The following PREP variants were observed in gnomAD, a reference collection of about 807,000 sequenced individuals.
The protein encoded by PREP is dJ355L5.1 (prolyl endopeptidase).
A neutral mutation model predicts 87.6 loss-of-function variants in PREP; 29 were observed. The observed-to-expected ratio is 0.33, with a 90% CI of 0.25 to 0.45. The LOEUF is 0.45. PREP is among the 20% of genes least tolerant of loss of function. The pLI, the probability that PREP is intolerant of heterozygous loss-of-function variation, is 1.00. For synonymous variants in PREP, 337 were observed against 328.6 expected, an observed-to-expected ratio of 1.03 and a Z score of -0.28; for missense variants, 695 against 886.5, an observed-to-expected ratio of 0.78 and a Z score of 2.74.
intron 3 of PREP, 21 bp from the exon 4 acceptor site, chr6:105,376,276 T>C: frequency 1.2e-6 from 2 of 1,608,692 alleles, no homozygotes; most frequent in Non-Finnish European, 1.7e-6. Flanking sequence ...GAGATGGTCT[T>C]TATTCAGCTG....
intron 10 of PREP, among the ~76,000 whole-genome samples, chr6:105,319,211 G>C (rs1036831247): frequency 1.3e-5 from 2 of 152,166 alleles, no homozygotes; most frequent in African/African-American, 4.8e-5. Flanking sequence ...TTAAGTATAA[G>C]AGAACAACAG....
intron 2 of PREP, among the ~76,000 whole-genome samples, chr6:105,390,795 T>C (rs548428608): frequency 1.3e-5 from 2 of 152,108 alleles, no homozygotes; most frequent in Non-Finnish European, 2.9e-5. Flanking sequence ...GAGCAAATTA[T>C]GCAATATAGA....
In PREP at chr6:105,394,572, T is replaced by C. The variant is rs146187809; in HGVS notation, c.120+3281A>G. Among the ~76,000 whole-genome samples, 58 of 152,308 alleles carry C rather than the reference T, an allele frequency of 3.8e-4. No homozygotes were observed. The East Asian group carries it at 0.011, about 28-fold the overall frequency. On this transcript the variant is annotated intron_variant, in intron 2 of 14. Transcript: ENST00000652536. ...TGTTATATGATTATGTATCTAAAAA[T>C]CTAAGGGAAATAACTGAAAATTTGG...
chr6:105,352,971 C>T lies in PREP; in HGVS notation c.823+1G>A, dbSNP rs1771997591. The T allele has an allele frequency of 1.2e-6, 2 of 1,610,016 alleles. No homozygotes were observed. The highest frequency in any genetic ancestry group is 1.1e-5 in the South Asian group (1 of 90,940). On this transcript the variant is annotated splice_donor_variant, in intron 7 of 14. Transcript: ENST00000652536. LOFTEE classifies it high-confidence loss of function. ...TATCTGTGTCTGAAAAAATAACTCA[C>T]CCGCGATGCCACTGGATTCCTGCTG...
At chr6:105,372,882 G>C (rs1382045360) in intron 5 of PREP, among the ~76,000 whole-genome samples, 1 of 152,150 alleles carries the variant, frequency 6.6e-6, no homozygotes, top group African/African-American at 2.4e-5. Flanking sequence ...CCATTGAAAA[G>C]GGGCTGGCCC....
At chr6:105,354,201 A>G (rs1252982054) in intron 6 of PREP, among the ~76,000 whole-genome samples, 1 of 152,190 alleles carries the variant, frequency 6.6e-6, no homozygotes, top group Non-Finnish European at 1.5e-5. Flanking sequence ...CATCCTACCC[A>G]TAAACATCTA....
intron 10 of PREP, among the ~76,000 whole-genome samples, chr6:105,310,149 G>A (rs1447684797): frequency 6.6e-6 from 1 of 152,212 alleles, no homozygotes; most frequent in Non-Finnish European, 1.5e-5. Context: ...GTGGGAAGAT[G>A]TAAACCACAG....
intron 1 of PREP, among the ~76,000 whole-genome samples, chr6:105,401,703 G>A (rs1031204463): frequency 2.0e-5 from 3 of 152,152 alleles, no homozygotes; most frequent in Admixed American, 2.0e-4. Flanking sequence ...AGAAAACATG[G>A]TTACCAGATG....
intron 7 of PREP, among the ~76,000 whole-genome samples, chr6:105,352,051 A>C (rs1771970599): frequency 6.6e-6 from 1 of 152,240 alleles, no homozygotes; most frequent in African/African-American, 2.4e-5. Context: ...TTCGTATCAC[A>C]ATGTAACACA....
chr6:105,364,309 C>T (rs1196484244), intron 6 of PREP, among the ~76,000 whole-genome samples: 1 of 152,190 alleles, frequency 6.6e-6, no homozygotes, highest in Non-Finnish European at 1.5e-5. Flanking sequence ...TGACGGAGGG[C>T]AACAGTGGGG....
chr6:105,393,735 A>G (rs1773220387), intron 2 of PREP, among the ~76,000 whole-genome samples: 1 of 152,160 alleles, frequency 6.6e-6, no homozygotes, highest in African/African-American at 2.4e-5. Context: ...ATTTTCCATT[A>G]CAAGTCTTCT....
chr6:105,314,910 G>T (rs564875761), intron 10 of PREP, among the ~76,000 whole-genome samples: 1 of 152,126 alleles, frequency 6.6e-6, no homozygotes, highest in African/African-American at 2.4e-5. Flanking sequence ...CTTCATCCAT[G>T]GGCTGCAGAA....
chr6:105,302,593 C>T, intron 10 of PREP: 1 of 431,660 alleles, frequency 2.3e-6, no homozygotes, highest in South Asian at 1.9e-5. Context: ...GGGGCTTGTA[C>T]CTCTTGCCCT....
intron 4 of PREP, among the ~76,000 whole-genome samples, chr6:105,374,670 ATATATATATATATATATATATATC>A (rs1204111922): frequency 1.4e-5 from 1 of 68,970 alleles, no homozygotes; most frequent in African/African-American, 1.7e-4. Flanking sequence ...ATATATATAT[ATATATATATATATATATATATATC>A]AGAAAATTTT....
At chr6:105,323,416 A>G (rs1771067699) in intron 10 of PREP, among the ~76,000 whole-genome samples, 1 of 152,178 alleles carries the variant, frequency 6.6e-6, no homozygotes, top group Non-Finnish European at 1.5e-5. Flanking sequence ...CCCCAAGAGA[A>G]AGAACTCCAG....
chr6:105,291,968 T>A (rs1237745083), intron 10 of PREP, among the ~76,000 whole-genome samples: 5 of 152,182 alleles, frequency 3.3e-5, no homozygotes, highest in Non-Finnish European at 5.9e-5. Flanking sequence ...CCATTCAAGT[T>A]TTATCATGAG....
At chr6:105,344,931 C>G (rs1197025370) in intron 7 of PREP, among the ~76,000 whole-genome samples, 2 of 152,182 alleles carry the variant, frequency 1.3e-5, no homozygotes, top group African/African-American at 4.8e-5. Flanking sequence ...TTAACCTTAG[C>G]CATAAATACA....
intron 11 of PREP, 108 bp from the exon 12 acceptor site, chr6:105,285,688 C>A: frequency 1.2e-6 from 1 of 812,282 alleles, no homozygotes; most frequent in Admixed American, 2.1e-5. Context: ...TGAGTAATAT[C>A]ATCTCAATAG....
intron 2 of PREP, among the ~76,000 whole-genome samples, chr6:105,386,641 C>CT (rs1297318457): frequency 1.3e-5 from 2 of 151,900 alleles, no homozygotes; most frequent in Non-Finnish European, 2.9e-5. Flanking sequence ...TGAATAGGCC[C>CT]TAAAAAAAAT....
Sources: gnomAD v4.1 joint callset for allele counts (sites outside exome capture counted in the v4.1 genomes callset) on GRCh38, gnomAD v4.1.1 for gene constraint, MANE v1.5 for transcripts, NCBI Gene and HGNC (gene_info 2026-07-23, HGNC 2026-07-21) for gene names.